The following TENT4A variants were observed in gnomAD, a reference collection of about 807,000 sequenced individuals.
TENT4A encodes the protein DNA polymerase kappa.
Under a neutral mutation model 72.8 loss-of-function variants are expected in TENT4A, and 7 were observed. That is an observed-to-expected ratio of 0.10 (90% confidence interval 0.05 to 0.18). The LOEUF (loss-of-function observed/expected upper bound fraction) is 0.18. Among genes scored for constraint, TENT4A ranks in the 10% least tolerant of loss-of-function variants. TENT4A has a pLI of 1.00. For missense variants in TENT4A, 831 were observed against 1,017.7 expected, an observed-to-expected ratio of 0.82 and a Z score of 2.50; for synonymous variants, 456 against 434.3, an observed-to-expected ratio of 1.05 and a Z score of -0.62.
At chr5:6,728,407 T>C (rs146167197) in intron 1 of TENT4A, among the ~76,000 whole-genome samples, 133 of 152,340 alleles carry the variant, frequency 8.7e-4, no homozygotes, top group African/African-American at 2.9e-3. Flanking sequence ...GGAGAGAGCC[T>C]GGTTGGCCTT....
chr5:6,738,781 A>G lies in TENT4A; in HGVS notation c.887+52A>G, dbSNP rs761509551. 32 of 1,300,804 alleles carry G rather than the reference A, an allele frequency of 2.5e-5. No homozygotes were observed. The African/African-American group carries it at 3.8e-4, about 15-fold the overall frequency. The allele number at this position is 1,300,804 out of a possible 1,614,324, so 80.6% of individuals were successfully genotyped here. On this transcript the variant is annotated intron_variant, in intron 3 of 12. Coordinates refer to ENST00000230859, the MANE Select transcript of TENT4A (RefSeq NM_006999.6). ...CTAGTGGGGGGCTGGGATGGTGTCT[A>G]TGCAATATTAAGGGCTACAAATAGA...
chr5:6,743,883 A>G (rs2126643898), intron 6 of TENT4A, 43 bp downstream of exon 6: 3 of 1,598,676 alleles, frequency 1.9e-6, no homozygotes, highest in Middle Eastern at 1.7e-4. Context: ...AGACATGTGT[A>G]AGAGTAGACT....
At chr5:6,753,478 G>T (rs1742524194) in intron 12 of TENT4A, among the ~76,000 whole-genome samples, 2 of 152,262 alleles carry the variant, frequency 1.3e-5, no homozygotes, top group Admixed American at 6.5e-5. Flanking sequence ...CAAGCGTCAG[G>T]GCTGGCAGAG....
At chr5:6,731,031 A>G (rs79331775) in intron 1 of TENT4A, among the ~76,000 whole-genome samples, 2,857 of 152,340 alleles carry the variant, frequency 0.019, 36 homozygotes, top group South Asian at 0.048. Flanking sequence ...AGTGCGATGT[A>G]GTAGTGTCTG....
intron 4 of TENT4A, 114 bp downstream of exon 4, chr5:6,739,966 A>G (rs760195635): frequency 3.4e-5 from 34 of 1,004,756 alleles, no homozygotes; most frequent in Non-Finnish European, 3.8e-5. Flanking sequence ...TATTGGCTAC[A>G]GTTTTGAAGA....
chr5:6,743,961 G>A, intron 6 of TENT4A, 121 bp downstream of exon 6: 2 of 859,736 alleles, frequency 2.3e-6, no homozygotes, highest in African/African-American at 1.7e-5. Flanking sequence ...TTTCAATTTG[G>A]TAGAGGCTGA....
intron 9 of TENT4A, 144 bp downstream of exon 9, chr5:6,749,801 T>C: frequency 3.1e-6 from 2 of 638,566 alleles, no homozygotes; most frequent in Non-Finnish European, 5.6e-6. Flanking sequence ...GACAATAAGA[T>C]CTAGAGCAGC....
At chr5:6,734,335 A>G (rs1210231564) in intron 1 of TENT4A, among the ~76,000 whole-genome samples, 1 of 152,186 alleles carries the variant, frequency 6.6e-6, no homozygotes. Flanking sequence ...GGGCCTCACA[A>G]AGAGCCAAGC....
intron 9 of TENT4A, 54 bp downstream of exon 9, chr5:6,749,711 C>G (rs930589182): frequency 3.5e-6 from 4 of 1,136,272 alleles, no homozygotes; most frequent in Middle Eastern, 3.9e-4. Context: ...CATGTTCATG[C>G]AGAAGTGTCT....
Position 6,751,492 on chromosome 5 carries a change from C to T in TENT4A, c.2019+295C>T, listed in dbSNP as rs369362447. ...CACTGCCCCAGCATGAGACTGCTGT[C>T]GAGGGTCATCTTGAGAGAGCGACTC... On this transcript the variant is annotated intron_variant, in intron 11 of 12. Transcript: ENST00000230859. 10 of 347,128 alleles carry T rather than the reference C, an allele frequency of 2.9e-5. No individual in the cohort carries two copies. In the Admixed American group the frequency reaches 3.9e-4, roughly 14 times the overall value. 21.5% of individuals were successfully genotyped at this position (347,128 alleles called of 1,614,324 possible).
chr5:6,756,977 A>G lies in TENT4A; in HGVS notation c.*2032A>G, dbSNP rs1487259386. On this transcript the variant is annotated 3_prime_UTR_variant, in exon 13 of 13. Coordinates refer to ENST00000230859, the MANE Select transcript of TENT4A (RefSeq NM_006999.6). ...TTTTGTGTGTGGACAACAATATGGA[A>G]GCTAAAATTGACATATTTTTATGTA... is the stretch of plus-strand genomic sequence containing the variant. 2 of 152,640 alleles carry G rather than the reference A, an allele frequency of 1.3e-5. No individual in the cohort carries two copies. The highest frequency in any genetic ancestry group is 1.3e-4 in the Admixed American group (2 of 15,278). The allele number at this position is 152,640 out of a possible 1,614,324, so 9.5% of individuals were successfully genotyped here. A position where few individuals can be genotyped will look rare whatever the true frequency, so the allele number is the denominator to read the frequency against.
chr5:6,731,720 C>T (rs1039231986), intron 1 of TENT4A, among the ~76,000 whole-genome samples: 2 of 152,018 alleles, frequency 1.3e-5, no homozygotes, highest in African/African-American at 4.8e-5. Flanking sequence ...CTTCTTGTAA[C>T]CAGATTGGAG....
At chr5:6,727,450 T>A (rs973627678) in intron 1 of TENT4A, among the ~76,000 whole-genome samples, 2 of 152,200 alleles carry the variant, frequency 1.3e-5, no homozygotes, top group African/African-American at 4.8e-5. Context: ...GGCTTCGGAC[T>A]CTCTGCTCTG....
chr5:6,737,392 A>G (rs1741561874), intron 1 of TENT4A, 118 bp from the exon 2 acceptor site: 16 of 897,036 alleles, frequency 1.8e-5, no homozygotes, highest in African/African-American at 3.4e-5. Context: ...CAGAGGAGAA[A>G]TGAAACTGAA....
rs141839381 is a variant in TENT4A, at chr5:6,752,962, C to T, written c.2109C>T (p.Ala703=). Reference sequence around the variant, plus strand: ...TAGAAGGAACTGCGTCTTTGAAAGCCGTCCACCACATGTCTTCCCCGGCCA... The same window carrying T: ...TAGAAGGAACTGCGTCTTTGAAAGCTGTCCACCACATGTCTTCCCCGGCCA... ...AGVEGTASLK[A]VHHMSSPAIP... is the part of the protein sequence containing the mutation. The change falls in exon 12 of 13, where the codon GCC becomes GCT. Residue 703 remains alanine (A), a synonymous_variant. Coordinates refer to ENST00000230859, the MANE Select transcript of TENT4A (RefSeq NM_006999.6). 6.9e-5 allele frequency: 111 copies of T among 1,614,146 alleles called. No individual in the cohort carries two copies. The African/African-American group carries it at 1.1e-3, about 16-fold the overall frequency.
chr5:6,718,691 G>T (rs1370750641), intron 1 of TENT4A, among the ~76,000 whole-genome samples: 1 of 152,252 alleles, frequency 6.6e-6, no homozygotes, highest in East Asian at 1.9e-4. Context: ...CTTCCATTTA[G>T]TAATAGCATC....
intron 1 of TENT4A, among the ~76,000 whole-genome samples, chr5:6,723,906 C>T (rs1740778666): frequency 6.6e-6 from 1 of 152,152 alleles, no homozygotes; most frequent in African/African-American, 2.4e-5. Flanking sequence ...TTTCTGTCAC[C>T]TGGAGTATTC....
Position 6,743,650 on chromosome 5 carries a change from T to C in TENT4A, c.1117-62T>C, listed in dbSNP as rs1477375780. On this transcript the variant is annotated intron_variant, in intron 5 of 12. Transcript: ENST00000230859. Reference sequence around the variant, plus strand: ...CCTTTCTGTCTTGTGTGATTTGCTATGTGAAATCTCTTTGAAAGTATGGTA... The same window carrying C: ...CCTTTCTGTCTTGTGTGATTTGCTACGTGAAATCTCTTTGAAAGTATGGTA... 2.3e-6 allele frequency: 3 copies of C among 1,311,704 alleles called. No individual in the cohort carries two copies. In the East Asian group the frequency reaches 7.1e-5, roughly 31 times the overall value. The allele number at this position is 1,311,704 out of a possible 1,614,324, so 81.3% of individuals were successfully genotyped here. A position where few individuals can be genotyped will look rare whatever the true frequency, so the allele number is the denominator to read the frequency against.
chr5:6,748,666 C>G (rs1268205072), intron 8 of TENT4A, 76 bp downstream of exon 8: 2 of 1,448,634 alleles, frequency 1.4e-6, no homozygotes, highest in Non-Finnish European at 1.9e-6. Flanking sequence ...TGTCATTTAC[C>G]TCCATGAAAT....
Sources: gnomAD v4.1 joint callset for allele counts (sites outside exome capture counted in the v4.1 genomes callset) on GRCh38, gnomAD v4.1.1 for gene constraint, MANE v1.5 for transcripts, NCBI Gene and HGNC (gene_info 2026-07-23, HGNC 2026-07-21) for gene names.